INTS8: variants seen among roughly 807,000 people sequenced by gnomAD.
INTS8 encodes the protein protein kaonashi-1.
A neutral mutation model predicts 138.9 loss-of-function variants in INTS8; 47 were observed. The ratio of observed to expected loss-of-function variants is 0.34; its 90% confidence interval spans 0.27 to 0.43. The LOEUF is 0.43. Ranked by LOEUF, INTS8 falls within the 20% of genes least tolerant of loss-of-function variation. The pLI, the probability that INTS8 is intolerant of heterozygous loss-of-function variation, is 1.00. For synonymous variants in INTS8, 392 were observed against 400.9 expected, an observed-to-expected ratio of 0.98 and a Z score of 0.27; for missense variants, 996 against 1,173.0, an observed-to-expected ratio of 0.85 and a Z score of 2.20.
At chr8:94,827,518 G>C in intron 3 of INTS8, 115 bp downstream of exon 3, 1 of 1,295,280 alleles carries the variant, frequency 7.7e-7, no homozygotes, top group Non-Finnish European at 1.1e-6. Flanking sequence ...TTCAAATCTG[G>C]GGAACTGTGA....
chr8:94,873,301 C>G (rs1291007317), intron 21 of INTS8, 73 bp from the exon 22 acceptor site: 1 of 980,250 alleles, frequency 1.0e-6, no homozygotes, highest in Non-Finnish European at 1.7e-6. Context: ...GAAGTTACAC[C>G]TGACTCTTTA....
chr8:94,839,761 G>A (rs949400270), intron 8 of INTS8, among the ~76,000 whole-genome samples: 9 of 152,166 alleles, frequency 5.9e-5, no homozygotes, highest in Middle Eastern at 3.2e-3. Context: ...GCTGGGCACC[G>A]TGGCTCACAC....
intron 16 of INTS8, 96 bp from the exon 17 acceptor site, chr8:94,865,410 A>G: frequency 1.1e-6 from 1 of 947,312 alleles, no homozygotes; most frequent in Admixed American, 2.3e-5. Flanking sequence ...ATGTTTGGGC[A>G]GTCATTCCAT....
intron 26 of INTS8, among the ~76,000 whole-genome samples, chr8:94,877,138 A>T (rs1392652436): frequency 1.3e-5 from 2 of 152,208 alleles, no homozygotes; most frequent in African/African-American, 4.8e-5. Flanking sequence ...GGTGCCTGGC[A>T]CATATTAGGT....
chr8:94,853,332 A>C (rs913647005), intron 13 of INTS8, among the ~76,000 whole-genome samples: 11 of 152,048 alleles, frequency 7.2e-5, no homozygotes, highest in Non-Finnish European at 1.0e-4. Context: ...AACAAACCAA[A>C]AATTTTTAAG....
At chr8:94,850,729 A>G (rs1402170060) in intron 12 of INTS8, among the ~76,000 whole-genome samples, 1 of 151,948 alleles carries the variant, frequency 6.6e-6, no homozygotes, top group Non-Finnish European at 1.5e-5. Flanking sequence ...AAATGCTGGG[A>G]CCAAAAAGAG....
rs749409147 is a variant in INTS8, at chr8:94,850,066, T to C, written c.1482T>C (p.Pro494=). The C allele has an allele frequency of 3.7e-6, 6 of 1,601,738 alleles. No individual in the cohort carries two copies. The Admixed American group carries it at 8.6e-5, about 23-fold the overall frequency. The change falls in exon 12 of 27, where the codon CCT becomes CCC. Residue 494 remains proline (P), a synonymous_variant. Transcript: ENST00000523731. ...CTAGAGTAAATCTGTGCATTAAACCTGTAACTTCATTTTATGATATCCCAG... is the reference window on the plus strand; with the variant it reads ...CTAGAGTAAATCTGTGCATTAAACCCGTAACTTCATTTTATGATATCCCAG... ...RSPRVNLCIK[P]VTSFYDIPAS... is the part of the protein sequence containing the mutation.
chr8:94,863,974 T>C (rs1172074133), intron 16 of INTS8, among the ~76,000 whole-genome samples: 1 of 152,192 alleles, frequency 6.6e-6, no homozygotes, highest in East Asian at 1.9e-4. Context: ...AGTACTCTTG[T>C]TAATTTTCTT....
chr8:94,850,118 A>G (rs1815476765), intron 12 of INTS8, 27 bp downstream of exon 12: 1 of 1,523,528 alleles, frequency 6.6e-7, no homozygotes, highest in Non-Finnish European at 8.9e-7. Flanking sequence ...GCCAGCCAAA[A>G]TGTTGGCATG....
At chr8:94,862,880 G>A (rs1376570352) in intron 16 of INTS8, among the ~76,000 whole-genome samples, 1 of 152,032 alleles carries the variant, frequency 6.6e-6, no homozygotes, top group Non-Finnish European at 1.5e-5. Context: ...CACACGTGTA[G>A]GAAAAAGTCT....
At chr8:94,858,107 C>T (rs915482194) in intron 15 of INTS8, among the ~76,000 whole-genome samples, 5 of 152,174 alleles carry the variant, frequency 3.3e-5, no homozygotes, top group African/African-American at 7.2e-5. Flanking sequence ...TGATCATCTA[C>T]GACACATAAA....
At chr8:94,859,486 A>G in intron 15 of INTS8, 25 bp from the exon 16 acceptor site, 3 of 1,606,724 alleles carry the variant, frequency 1.9e-6, no homozygotes, top group Non-Finnish European at 2.6e-6. Flanking sequence ...TGGTAATTCC[A>G]ACTGTTTTCT....
chr8:94,841,742 A>C, intron 9 of INTS8, 151 bp downstream of exon 9: 1 of 540,950 alleles, frequency 1.8e-6, no homozygotes, highest in Non-Finnish European at 3.3e-6. Context: ...GTGGAGGAAC[A>C]CTCTGGTGTT....
intron 10 of INTS8, among the ~76,000 whole-genome samples, chr8:94,849,123 T>C (rs917133149): frequency 1.3e-5 from 2 of 152,154 alleles, no homozygotes; most frequent in African/African-American, 4.8e-5. Flanking sequence ...TTTTTTTAAC[T>C]CTTTTCTGAC....
intron 5 of INTS8, among the ~76,000 whole-genome samples, chr8:94,831,482 CT>C (rs11482467): frequency 2.2e-3 from 272 of 121,568 alleles, no homozygotes; most frequent in Non-Finnish European, 3.6e-3. Flanking sequence ...TTGTCTTTTT[CT>C]TTTTTTTTTT....
rs1816751628 is a variant in INTS8 at position 94,880,195 on chromosome 8, A to G, written c.2949A>G (p.Lys983=). Residue 983 remains lysine (K), a synonymous_variant, in exon 27 of 27, where the codon AAA becomes AAG. Transcript: ENST00000523731. ...EVLQLAAQRR[K]KKFLQAMAKL... is the part of the protein sequence containing the mutation. ...TACAGCTGGCAGCGCAGAGAAGGAA[A>G]AAAAAGTTTCTCCAAGCAATGGCAA... The G allele has an allele frequency of 6.2e-7, 1 of 1,610,394 alleles. No homozygotes were observed. The highest frequency in any genetic ancestry group is 8.5e-7 in the Non-Finnish European group (1 of 1,178,980).
rs745859842 is a variant in INTS8, at chr8:94,850,088, C to G, written c.1504C>G (p.Pro502Ala). Residue 502 changes from proline to alanine, a missense_variant, in exon 12 of 27, where the codon CCA becomes GCA. By Grantham distance (27) the Pro-to-Ala change is conservative. Transcript: ENST00000523731. ...IKPVTSFYDI[P>A]ASASVNIGQL... is the part of the protein sequence containing the mutation. ...ACCTGTAACTTCATTTTATGATATC[C>G]CAGGTTAGCTCTCTAGTCGGCCAGC... is the stretch of plus-strand genomic sequence containing the variant. 6.3e-7 allele frequency: 1 copy of G among 1,587,774 alleles called. No homozygotes were observed.
At chr8:94,826,454 T>C (rs904001181) in intron 2 of INTS8, among the ~76,000 whole-genome samples, 2 of 152,242 alleles carry the variant, frequency 1.3e-5, no homozygotes, top group Middle Eastern at 3.4e-3. Flanking sequence ...GTATTTTTAA[T>C]CTGAGCAGGG....
rs753239742 is a variant in INTS8, at chr8:94,831,988, G to C, written c.571-4G>C. The C allele has an allele frequency of 6.3e-7, 1 of 1,580,906 alleles. No individual in the cohort carries two copies. ...TATTTTTATTTGTTTATTGATTTCT[G>C]TAGCTCAAAGAACAAGCTGCTGATT... On this transcript the variant is annotated splice_polypyrimidine_tract_variant and splice_region_variant and intron_variant, in intron 5 of 26. Coordinates refer to ENST00000523731, the MANE Select transcript of INTS8 (RefSeq NM_017864.4).
Sources: gnomAD v4.1 joint callset for allele counts (sites outside exome capture counted in the v4.1 genomes callset) on GRCh38, gnomAD v4.1.1 for gene constraint, MANE v1.5 for transcripts, NCBI Gene and HGNC (gene_info 2026-07-23, HGNC 2026-07-21) for gene names.